The following PEAR1 variants were observed in gnomAD, a reference collection of about 807,000 sequenced individuals.
PEAR1 encodes the protein multiple EGF-like domains protein 12.
In PEAR1, 113 loss-of-function variants were observed where a neutral mutation model predicts 131.2. The ratio of observed to expected loss-of-function variants is 0.86; its 90% CI spans 0.74 to 1.01. The LOEUF (loss-of-function observed/expected upper bound fraction) is 1.01, where lower values mean the gene tolerates loss of function less well. Ranked by LOEUF, PEAR1 falls within the 50% of genes least tolerant of loss-of-function variation. PEAR1 has a pLI of 0.00. For synonymous variants in PEAR1, 565 were observed against 523.3 expected, an observed-to-expected ratio of 1.08 and a Z score of -1.09; for missense variants, 1,408 against 1,391.1, an observed-to-expected ratio of 1.01 and a Z score of -0.19.
chr1:156,903,809 G>A lies in PEAR1; in HGVS notation c.-9-109G>A, dbSNP rs1649926829. On this transcript the variant is annotated intron_variant, in intron 1 of 22. Coordinates refer to ENST00000292357, the MANE Select transcript of PEAR1 (RefSeq NM_001080471.3). The stretch of plus-strand genomic sequence containing the variant: ...CAGAGCAAGGGGCCAGAGGACACGG[G>A]GCCGCAGTCTGGTCTCTTCTGCATG... The A allele has an allele frequency of 2.8e-5, 24 of 849,668 alleles. 1 individual carries two copies. In the East Asian group the frequency reaches 5.9e-4, roughly 21 times the overall value. 52.6% of individuals were successfully genotyped at this position (849,668 alleles called of 1,614,324 possible).
At chr1:156,913,147 C>A in intron 18 of PEAR1, 47 bp from the exon 19 acceptor site, 1 of 1,590,928 alleles carries the variant, frequency 6.3e-7, no homozygotes, top group Non-Finnish European at 8.6e-7. Context: ...CTCTCTTGGA[C>A]TCCTGCCCAT....
In PEAR1 at chr1:156,902,130, C is replaced by A. The variant is rs1397219318; in HGVS notation, c.-9-1788C>A. The A allele has an allele frequency of 6.6e-6, 1 of 152,320 alleles. No individual in the cohort carries two copies. The highest frequency in any genetic ancestry group is 1.5e-5 in the Non-Finnish European group (1 of 68,144). 9.4% of individuals were successfully genotyped at this position (152,320 alleles called of 1,614,324 possible). ...TCAGGATGGTGGGAGGATGGAGCCA[C>A]CCCCGTCACGCTCCCTGCTGTCCCC... is the stretch of plus-strand genomic sequence containing the variant. On this transcript the variant is annotated intron_variant, in intron 1 of 22. Coordinates refer to ENST00000292357, the MANE Select transcript of PEAR1 (RefSeq NM_001080471.3). The surrounding 1 kb of genome is among the most constrained non-coding windows in gnomAD (Gnocchi z 4.3).
At position 156,910,633 on chromosome 1, in the gene PEAR1, G is replaced by A. The variant is rs1344645234; in HGVS notation, c.1841G>A (p.Arg614His). 1.2e-6 allele frequency: 2 copies of A among 1,613,904 alleles called. No homozygotes were observed. Among genetic ancestry groups the A allele is most frequent in the African/African-American group, 1.3e-5 (1 of 74,936 alleles). The stretch of plus-strand genomic sequence containing the variant: ...TTTCCCCCAGCCTGTCAGCCTGGCC[G>A]CTATGGCAAACGCTGTGTGCCCTGC... ...PSCQRSCQPGRYGKRCVPCKC... is the reference protein window; with the variant it reads ...PSCQRSCQPGHYGKRCVPCKC... Residue 614 changes from arginine (R) to histidine (H), a missense_variant, in exon 15 of 23, where the codon CGC (arginine) becomes CAC (histidine). Arg to His is a conservative substitution (Grantham distance 29). Coordinates refer to ENST00000292357, the MANE Select transcript of PEAR1 (RefSeq NM_001080471.3).
chr1:156,908,320 C>T lies in PEAR1; in HGVS notation c.1095C>T (p.Cys365=). 6.5e-7 allele frequency: 1 copy of T among 1,546,284 alleles called. No individual in the cohort carries two copies. The highest frequency in any genetic ancestry group is 8.7e-7 in the Non-Finnish European group (1 of 1,149,664). ...YGLSCQAPCT[C]DREHSLSCHP... Reference sequence around the variant, plus strand: ...TCAGCTGCCAGGCCCCCTGCACCTGCGACCGGGAGCACAGCCTCAGGTGGG... The same window carrying T: ...TCAGCTGCCAGGCCCCCTGCACCTGTGACCGGGAGCACAGCCTCAGGTGGG... Residue 365 remains cysteine (C), a synonymous_variant, in exon 9 of 23, where the codon TGC becomes TGT. Transcript: ENST00000292357. This position sits in a 1 kb window ranked among gnomAD's most constrained non-coding sequence, Gnocchi z 4.2.
chr1:156,909,484 G>A (rs1218073283), intron 11 of PEAR1, among the ~76,000 whole-genome samples: 1 of 152,138 alleles, frequency 6.6e-6, no homozygotes, highest in Non-Finnish European at 1.5e-5. Flanking sequence ...TACCTGATGG[G>A]GCCCCTGTAA....
intron 18 of PEAR1, 28 bp downstream of exon 18, chr1:156,913,010 G>C (rs1025579466): frequency 2.5e-6 from 4 of 1,612,586 alleles, no homozygotes; most frequent in Admixed American, 3.3e-5. Context: ...CTGGGGCACA[G>C]ATGAGTGGCT....
In PEAR1 at chr1:156,904,036, G is replaced by T. The variant is rs200947724; in HGVS notation, c.101+9G>T. The T allele has an allele frequency of 1.1e-5, 17 of 1,609,366 alleles. No individual in the cohort carries two copies. The highest frequency in any genetic ancestry group is 2.7e-5 in the African/African-American group (2 of 74,778). The stretch of plus-strand genomic sequence containing the variant: ...TGCAGCTTCTGGGAAAGGTGAGAGG[G>T]CCCCTGCTGCACCTTGAGGGCACCA... On this transcript the variant is annotated intron_variant, in intron 2 of 22. Coordinates refer to ENST00000292357, the MANE Select transcript of PEAR1 (RefSeq NM_001080471.3).
intron 1 of PEAR1, among the ~76,000 whole-genome samples, chr1:156,901,981 G>T (rs957947330): frequency 6.6e-6 from 1 of 152,090 alleles, no homozygotes; most frequent in Non-Finnish European, 1.5e-5. Flanking sequence ...ACTCTGGGGA[G>T]TGTCTCTAGG....
Position 156,908,194 on chromosome 1 carries a change from G to GGACGC in PEAR1, c.970_974dup (p.Arg326ThrfsTer53). The GGACGC allele has an allele frequency of 6.2e-7, 1 of 1,603,074 alleles. No homozygotes were observed. Among genetic ancestry groups the GGACGC allele is most frequent in the Non-Finnish European group, 8.5e-7 (1 of 1,178,930 alleles). On this transcript the variant is annotated frameshift_variant, in exon 9 of 23. Coordinates refer to ENST00000292357, the MANE Select transcript of PEAR1 (RefSeq NM_001080471.3). LOFTEE classifies it high-confidence loss of function. This position sits in a 1 kb window ranked among gnomAD's most constrained non-coding sequence, Gnocchi z 4.2. Reference sequence around the variant, plus strand: ...GTGCTGAGACGTGCGACTGCGCCCCGGACGCCCGTTGCTTCCCGGCCAACG... The same window carrying GGACGC: ...GTGCTGAGACGTGCGACTGCGCCCCGGACGCGACGCCCGTTGCTTCCCGGCCAACG...
intron 15 of PEAR1, 67 bp from the exon 16 acceptor site, chr1:156,912,180 G>A (rs1314856901): frequency 5.8e-6 from 9 of 1,542,332 alleles, no homozygotes; most frequent in Non-Finnish European, 6.1e-6. Flanking sequence ...CAGTGATGCT[G>A]GGGGCTGAGA....
chr1:156,910,848 C>A, intron 15 of PEAR1, 105 bp downstream of exon 15: 1 of 1,494,024 alleles, frequency 6.7e-7, no homozygotes, highest in South Asian at 1.3e-5. Context: ...CCTCTGGGCC[C>A]ACCTTGAGTA....
At chr1:156,914,530 C>T in intron 22 of PEAR1, 117 bp from the exon 23 acceptor site, 2 of 1,014,928 alleles carry the variant, frequency 2.0e-6, no homozygotes, top group Non-Finnish European at 2.9e-6. Flanking sequence ...ATCCAGGCCC[C>T]ATCTGCTTCT....
chr1:156,906,778 G>C lies in PEAR1; in HGVS notation c.542G>C (p.Gly181Ala). The change falls in exon 6 of 23, where the codon GGC becomes GCC. Residue 181 changes from glycine to alanine, a missense_variant. Transcript: ENST00000292357. Reference sequence around the variant, plus strand: ...AACTGCCTTCAGCCCTGTACCCCTGGCTACTATGGCCCTGCCTGCCAGTTC... The same window carrying C: ...AACTGCCTTCAGCCCTGTACCCCTGCCTACTATGGCCCTGCCTGCCAGTTC... ...PPNCLQPCTP[G>A]YYGPACQFRC... The C allele has an allele frequency of 3.1e-6, 5 of 1,614,204 alleles. No homozygotes were observed. The highest frequency in any genetic ancestry group is 4.2e-6 in the Non-Finnish European group (5 of 1,180,046).
intron 1 of PEAR1, among the ~76,000 whole-genome samples, chr1:156,899,208 T>A (rs1438433680): frequency 6.6e-6 from 1 of 152,142 alleles, no homozygotes. Flanking sequence ...TAACTCAGGT[T>A]ACACAGCTTG....
chr1:156,913,325 A>G (rs1651477341), intron 19 of PEAR1, 43 bp downstream of exon 19: 4 of 1,599,036 alleles, frequency 2.5e-6, no homozygotes, highest in Non-Finnish European at 3.4e-6. Flanking sequence ...GGAAGCGCAC[A>G]GACCAGCTTC....
chr1:156,905,436 G>T lies in PEAR1; in HGVS notation c.307+12G>T, dbSNP rs758355045. 11 of 1,594,296 alleles carry T rather than the reference G, an allele frequency of 6.9e-6. No individual in the cohort carries two copies. The highest frequency in any genetic ancestry group is 9.4e-6 in the Non-Finnish European group (11 of 1,171,108). On this transcript the variant is annotated intron_variant, in intron 4 of 22. Transcript: ENST00000292357. Reference sequence around the variant, plus strand: ...GGGGTTCTGTGTCCGTGAGTCCAGGGTTGGGTTAGGGAGCGGGGTGGGGCA... The same window carrying T: ...GGGGTTCTGTGTCCGTGAGTCCAGGTTTGGGTTAGGGAGCGGGGTGGGGCA...
rs1416693086 is a variant in PEAR1, at chr1:156,906,760, T to C, written c.524T>C (p.Leu175Pro). The change falls in exon 6 of 23, where the codon CTT becomes CCT. Residue 175 changes from leucine to proline, a missense_variant. Leu to Pro is a moderately conservative substitution (Grantham distance 98). Coordinates refer to ENST00000292357, the MANE Select transcript of PEAR1 (RefSeq NM_001080471.3). ...TCTGGTCTGCAGCCCCCGAACTGCC[T>C]TCAGCCCTGTACCCCTGGCTACTAT... ...CPSGLQPPNC[L>P]QPCTPGYYGP... is the part of the protein sequence containing the mutation. 1.9e-6 allele frequency: 3 copies of C among 1,614,120 alleles called. No homozygotes were observed. The highest frequency in any genetic ancestry group is 1.3e-5 in the African/African-American group (1 of 74,940).
intron 2 of PEAR1, among the ~76,000 whole-genome samples, chr1:156,904,535 G>A (rs1650015023): frequency 6.6e-6 from 1 of 152,192 alleles, no homozygotes; most frequent in African/African-American, 2.4e-5. Context: ...AGGGCGCTCT[G>A]ATGGAGGGTA....
Position 156,902,325 on chromosome 1 carries a change from C to A in PEAR1, c.-9-1593C>A, listed in dbSNP as rs937779560. On this transcript the variant is annotated intron_variant, in intron 1 of 22. Transcript: ENST00000292357. This position sits in a 1 kb window ranked among gnomAD's most constrained non-coding sequence, Gnocchi z 4.3. ...GACTGAGGATGGATAGGAGGAAGCA[C>A]AGAGGAGGCTAGAGGCTGAGATTCG... 3 of 153,104 alleles carry A rather than the reference C, an allele frequency of 2.0e-5. No individual in the cohort carries two copies. The highest frequency in any genetic ancestry group is 6.5e-5 in the Admixed American group (1 of 15,286). 9.5% of individuals were successfully genotyped at this position (153,104 alleles called of 1,614,324 possible).
Sources: allele counts gnomAD v4.1 joint callset (sites outside exome capture counted in the v4.1 genomes callset), GRCh38; gene constraint gnomAD v4.1.1; non-coding constraint Gnocchi (gnomAD v3.1); transcripts MANE v1.5; gene names NCBI Gene and HGNC (gene_info 2026-07-23, HGNC 2026-07-21).